CIB3: variants seen among roughly 807,000 people sequenced by gnomAD.
CIB3 encodes calcium and integrin binding family member 3.
CIB3 carries 22 observed loss-of-function variants against 23.4 expected under a neutral mutation model. The observed-to-expected ratio is 0.94, with a 90% CI of 0.67 to 1.34. The LOEUF (loss-of-function observed/expected upper bound fraction) is 1.34. Ranked by LOEUF, CIB3 falls within the 40% of genes most tolerant of loss-of-function variation. CIB3 has a pLI of 0.00. For missense variants in CIB3, 258 were observed against 247.3 expected (o/e 1.04, Z -0.29); for synonymous variants, 93 against 95.8 (o/e 0.97, Z 0.17).
At chr19:16,169,561 C>T in intron 3 of CIB3, 69 bp downstream of exon 3, 1 of 1,370,868 alleles carries the variant, frequency 7.3e-7, no homozygotes, top group Non-Finnish European at 1.0e-6. Flanking sequence ...GCAGCACTGA[C>T]CTCAGAGGAA....
chr19:16,173,247 C>G, intron 1 of CIB3, 51 bp from the exon 2 acceptor site: 1 of 1,613,130 alleles, frequency 6.2e-7, no homozygotes, highest in Non-Finnish European at 8.5e-7. Flanking sequence ...GGGGCCTCCT[C>G]CCACGGCCTC....
At chr19:16,163,984 A>AT in intron 5 of CIB3, among the ~76,000 whole-genome samples, 1 of 152,136 alleles carries the variant, frequency 6.6e-6, no homozygotes, top group South Asian at 2.1e-4. Flanking sequence ...GTGTTTATTT[A>AT]TTTTTGAGAC....
At chr19:16,168,341 C>T in intron 3 of CIB3, 57 bp from the exon 4 acceptor site, 2 of 1,596,758 alleles carry the variant, frequency 1.3e-6, no homozygotes, top group Admixed American at 3.5e-5. Context: ...TCTCTGGGGT[C>T]CATGTGGTCT....
rs1367076070 is a variant in CIB3 at position 16,164,726 on chromosome 19, G to A, written c.534C>T (p.Asp178=). Residue 178 remains aspartate (D), a synonymous_variant, in exon 5 of 6, where the codon GAC becomes GAT. Coordinates refer to ENST00000269878, the MANE Select transcript of CIB3 (RefSeq NM_054113.4). ...DFQNMILRAP[D]FLSTFHIRI The stretch of plus-strand genomic sequence containing the variant: ...GTGACGGAGAGCATCACCTGAGGAA[G>A]TCTGGTGCCCGGAGGATCATGTTCT... 4 of 1,613,810 alleles carry A rather than the reference G, an allele frequency of 2.5e-6. No individual in the cohort carries two copies. In the East Asian group the frequency reaches 6.7e-5, roughly 27 times the overall value.
At chr19:16,173,087 A>C (rs2091336588) in intron 2 of CIB3, 75 bp downstream of exon 2, 1 of 1,421,910 alleles carries the variant, frequency 7.0e-7, no homozygotes, top group Non-Finnish European at 9.7e-7. Context: ...CACACACACC[A>C]AATTGCAAAT....
intron 2 of CIB3, among the ~76,000 whole-genome samples, chr19:16,170,877 G>A (rs1249771287): frequency 6.6e-6 from 1 of 150,666 alleles, no homozygotes; most frequent in African/African-American, 2.4e-5. Context: ...GGTGGCTCAC[G>A]CCTGTAATTC....
chr19:16,164,962 G>A, intron 4 of CIB3, 49 bp from the exon 5 acceptor site: 1 of 1,504,160 alleles, frequency 6.6e-7, no homozygotes. Flanking sequence ...AGGAGGGCTA[G>A]GCCGGCTGTG....
At chr19:16,165,587 G>T (rs548304769) in intron 4 of CIB3, among the ~76,000 whole-genome samples, 2 of 152,008 alleles carry the variant, frequency 1.3e-5, no homozygotes, top group Non-Finnish European at 2.9e-5. Flanking sequence ...GGGATTACAG[G>T]TGCCTGCCAC....
intron 2 of CIB3, among the ~76,000 whole-genome samples, chr19:16,170,834 A>C (rs1478758935): frequency 4.0e-5 from 6 of 149,458 alleles, no homozygotes; most frequent in Admixed American, 4.0e-4. Flanking sequence ...AAAAAAAAAA[A>C]GAAAAGAAAA....
At chr19:16,162,773 AAATT>A (rs1241953093) in intron 5 of CIB3, among the ~76,000 whole-genome samples, 7 of 151,970 alleles carry the variant, frequency 4.6e-5, no homozygotes, top group African/African-American at 1.4e-4. Context: ...AAAATAAAAT[AAATT>A]AATTAATTAA....
At chr19:16,165,034 C>T in intron 4 of CIB3, 121 bp from the exon 5 acceptor site, 4 of 813,804 alleles carry the variant, frequency 4.9e-6, no homozygotes, top group South Asian at 1.6e-5. Flanking sequence ...TGGCTCACGC[C>T]TGTAATCCCA....
At chr19:16,173,078 A>ACC in intron 2 of CIB3, 84 bp downstream of exon 2, 1 of 1,526,840 alleles carries the variant, frequency 6.5e-7, no homozygotes, top group Non-Finnish European at 9.1e-7. Context: ...ACACACACAC[A>ACC]CACACACCAA....
In CIB3 at chr19:16,161,375, C is replaced by A. The variant is rs2091283943; in HGVS notation, c.*90G>T. ...ATGTGTCCTCCCAGCAGGTGTGACT[C>A]AGTGACTTGTGTTTATTCTCAGAAA... is the stretch of plus-strand genomic sequence containing the variant. On this transcript the variant is annotated 3_prime_UTR_variant, in exon 6 of 6. Coordinates refer to ENST00000269878, the MANE Select transcript of CIB3 (RefSeq NM_054113.4). The A allele has an allele frequency of 2.7e-5, 36 of 1,317,754 alleles. No individual in the cohort carries two copies. The Middle Eastern group carries it at 7.2e-4, about 26-fold the overall frequency. 81.6% of individuals were successfully genotyped at this position (1,317,754 alleles called of 1,614,324 possible). A position where few individuals can be genotyped will look rare whatever the true frequency, so the allele number is the denominator to read the frequency against.
chr19:16,173,041 TACACACACACACACACAC>T (rs3076227), intron 2 of CIB3, 103 bp downstream of exon 2: 188 of 784,072 alleles, frequency 2.4e-4, no homozygotes, highest in Non-Finnish European at 3.0e-4. Flanking sequence ...AAAGACTACT[TACACACACACACACACAC>T]ACACACACAC....
chr19:16,164,502 C>T (rs1308761106), intron 5 of CIB3, among the ~76,000 whole-genome samples: 2 of 152,110 alleles, frequency 1.3e-5, no homozygotes, highest in Non-Finnish European at 2.9e-5. Context: ...ATTCTGCTTG[C>T]TGAAAGAGGT....
intron 3 of CIB3, among the ~76,000 whole-genome samples, chr19:16,169,106 C>A (rs2091317427): frequency 6.6e-6 from 1 of 152,010 alleles, no homozygotes; most frequent in Admixed American, 6.6e-5. Context: ...TATCTCGTTT[C>A]ATCCTCCCAA....
At chr19:16,170,416 C>T (rs1043765328) in intron 2 of CIB3, among the ~76,000 whole-genome samples, 1 of 152,176 alleles carries the variant, frequency 6.6e-6, no homozygotes, top group East Asian at 1.9e-4. Context: ...TCACAGCAAG[C>T]ATTCAGAGAA....
At chr19:16,168,477 C>G (rs1477295035) in intron 3 of CIB3, among the ~76,000 whole-genome samples, 193 bp from the exon 4 acceptor site, 1 of 152,186 alleles carries the variant, frequency 6.6e-6, no homozygotes, top group Non-Finnish European at 1.5e-5. Flanking sequence ...GCAACCTTGC[C>G]CCAACTTCCA....
In CIB3 at chr19:16,168,285, C is replaced by T. The variant is rs755252204; in HGVS notation, c.199-1G>A. 2 of 1,613,608 alleles carry T rather than the reference C, an allele frequency of 1.2e-6. No homozygotes were observed. The highest frequency in any genetic ancestry group is 1.7e-6 in the Non-Finnish European group (2 of 1,179,818). ...CAATCCTCTGGCGGAAGGGGTTGTC[C>T]TGGGGACAGAAAGGAAGCTGGGAGG... is the stretch of plus-strand genomic sequence containing the variant. On this transcript the variant is annotated splice_acceptor_variant, in intron 3 of 5. Coordinates refer to ENST00000269878, the MANE Select transcript of CIB3 (RefSeq NM_054113.4). LOFTEE classifies it high-confidence loss of function.
Sources: gnomAD v4.1 joint callset for allele counts (sites outside exome capture counted in the v4.1 genomes callset) on GRCh38, gnomAD v4.1.1 for gene constraint, MANE v1.5 for transcripts, NCBI Gene and HGNC (gene_info 2026-07-23, HGNC 2026-07-21) for gene names.